Variants in TMEM117 observed in about 807,000 individuals in gnomAD.
TMEM117 encodes transmembrane protein 117.
A neutral mutation model predicts 52.4 loss-of-function variants in TMEM117; 27 were observed. The ratio of observed to expected loss-of-function variants is 0.51; its 90% confidence interval spans 0.38 to 0.71. The LOEUF is 0.71. Among genes scored for constraint, TMEM117 ranks in the 30% least tolerant of loss-of-function variants. TMEM117 has a pLI of 0.00. For missense variants in TMEM117, 556 were observed against 630.5 expected (o/e 0.88, Z 1.26); for synonymous variants, 215 against 206.3 (o/e 1.04, Z -0.36).
intron 3 of TMEM117, among the ~76,000 whole-genome samples, chr12:44,089,389 C>T (rs1276612299): frequency 6.6e-6 from 1 of 152,134 alleles, no homozygotes; most frequent in East Asian, 1.9e-4. Context: ...CCCTGACAAC[C>T]ACAAAGCTCC....
chr12:44,316,080 AT>A, intron 6 of TMEM117, among the ~76,000 whole-genome samples: 1 of 152,060 alleles, frequency 6.6e-6, no homozygotes, highest in East Asian at 1.9e-4. Context: ...CAAGGTTAAT[AT>A]TGTCATGTGT....
chr12:44,245,582 C>T lies in TMEM117; in HGVS notation c.608+34195C>T, dbSNP rs182536424. Among the ~76,000 whole-genome samples the T allele has an allele frequency of 8.7e-4, 131 of 150,114 alleles. 1 individual carries two copies. Among genetic ancestry groups the T allele is most frequent in the Middle Eastern group, 6.8e-3 (2 of 292 alleles). ...TAACTGAATTATTTATCAGTTCTAA[C>T]GTTTTTTTTTTTGTTGGAGTCTTTA... On this transcript the variant is annotated intron_variant, in intron 5 of 7. Coordinates refer to ENST00000266534, the MANE Select transcript of TMEM117 (RefSeq NM_032256.3).
chr12:44,135,677 AAAG>A (rs1948480177), intron 3 of TMEM117, among the ~76,000 whole-genome samples: 1 of 152,164 alleles, frequency 6.6e-6, no homozygotes, highest in South Asian at 2.1e-4. Context: ...AAGAGAAAGA[AAAG>A]AAATTGTCAC....
chr12:44,145,535 G>A (rs1285508431), intron 4 of TMEM117, among the ~76,000 whole-genome samples: 1 of 152,162 alleles, frequency 6.6e-6, no homozygotes, highest in African/African-American at 2.4e-5. Context: ...GACTTAAAAT[G>A]CTAACGTATA....
rs1189971431 is a variant in TMEM117, at chr12:44,322,290, G to A, written c.768+22551G>A. 1.3e-5 allele frequency among the ~76,000 whole-genome samples: 2 copies of A among 152,020 alleles called. 1 individual carries two copies. The highest frequency in any genetic ancestry group is 1.3e-4 in the Admixed American group (2 of 15,254). Reference sequence around the variant, plus strand: ...TCTTTTGACCTCTAGGATTCCTTAGGTCATAAAGTGTGTATTTTCTGACCT... The same window carrying A: ...TCTTTTGACCTCTAGGATTCCTTAGATCATAAAGTGTGTATTTTCTGACCT... On this transcript the variant is annotated intron_variant, in intron 6 of 7. Transcript: ENST00000266534.
intron 2 of TMEM117, among the ~76,000 whole-genome samples, chr12:43,936,567 A>G (rs1188712779): frequency 1.3e-5 from 2 of 152,318 alleles, no homozygotes; most frequent in Admixed American, 1.3e-4. Flanking sequence ...AGGACAGACC[A>G]TGGCACATCA....
Position 44,358,926 on chromosome 12 carries a change from A to G in TMEM117, c.769-17669A>G, listed in dbSNP as rs141379568. On this transcript the variant is annotated intron_variant, in intron 6 of 7. Transcript: ENST00000266534. ...GCTGTAATATCTCTGTGGGTTTCGT[A>G]ATAACATATATAATTATGATGCATT... Among the ~76,000 whole-genome samples, 304 of 152,272 alleles carry G rather than the reference A, an allele frequency of 2.0e-3. 4 individuals carry two copies. Among genetic ancestry groups the G allele is most frequent in the African/African-American group, 6.6e-3 (273 of 41,574 alleles).
chr12:44,299,701 T>G lies in TMEM117; in HGVS notation c.730T>G (p.Ser244Ala). ...TGAAGTTTCCAGAGCATTCCTTGCTTCTTTTATCTTGGTCTTTGACCTTCT... is the reference window on the plus strand; with the variant it reads ...TGAAGTTTCCAGAGCATTCCTTGCTGCTTTTATCTTGGTCTTTGACCTTCT... ...SDEVSRAFLA[S>A]FILVFDLLIV... The change falls in exon 6 of 8, where the codon TCT becomes GCT. Residue 244 changes from serine to alanine, a missense_variant. Around this residue, in one of 3 missense-constraint regions of TMEM117, gnomAD observed 328 missense variants for 371.4 expected, o/e 0.88. Transcript: ENST00000266534. 1.9e-6 allele frequency: 3 copies of G among 1,614,166 alleles called. No individual in the cohort carries two copies. Among genetic ancestry groups the G allele is most frequent in the Non-Finnish European group, 2.5e-6 (3 of 1,180,008 alleles).
chr12:43,922,916 T>A (rs536099717), intron 2 of TMEM117, among the ~76,000 whole-genome samples: 19 of 152,228 alleles, frequency 1.2e-4, no homozygotes, highest in African/African-American at 3.6e-4. Context: ...TCACCTTTAT[T>A]CCTAAAAGAC....
At chr12:43,906,576 T>G (rs1462411285) in intron 2 of TMEM117, among the ~76,000 whole-genome samples, 1 of 152,170 alleles carries the variant, frequency 6.6e-6, no homozygotes, top group African/African-American at 2.4e-5. Context: ...CATTTCCATC[T>G]GAGGTACCGG....
chr12:44,202,822 T>A (rs765999901), intron 4 of TMEM117, among the ~76,000 whole-genome samples: 6 of 151,664 alleles, frequency 4.0e-5, no homozygotes, highest in Admixed American at 6.6e-5. Flanking sequence ...GGAGTCTTAC[T>A]GTGTCACCCA....
At chr12:43,892,177 C>T (rs1000497423) in intron 2 of TMEM117, among the ~76,000 whole-genome samples, 1 of 152,124 alleles carries the variant, frequency 6.6e-6, no homozygotes, top group Non-Finnish European at 1.5e-5. Context: ...AAAAGAAAGT[C>T]AACTAAGGGA....
At position 43,844,608 on chromosome 12, in the gene TMEM117, A is replaced by G. The variant is rs769357377; in HGVS notation, c.-28-16A>G. On this transcript the variant is annotated splice_polypyrimidine_tract_variant and intron_variant, in intron 1 of 7. Transcript: ENST00000266534. Reference sequence around the variant, plus strand: ...TTGTTTTCCTCCTCTAACCCTATCTATCTTTTCTTATACAGGTAAACTACG... The same window carrying G: ...TTGTTTTCCTCCTCTAACCCTATCTGTCTTTTCTTATACAGGTAAACTACG... 1.4e-5 allele frequency: 22 copies of G among 1,584,786 alleles called. No homozygotes were observed. Among genetic ancestry groups the G allele is most frequent in the East Asian group, 4.5e-5 (2 of 44,708 alleles).
intron 3 of TMEM117, among the ~76,000 whole-genome samples, chr12:43,980,872 C>T (rs1757324852): frequency 6.6e-6 from 1 of 152,172 alleles, no homozygotes; most frequent in Admixed American, 6.5e-5. Context: ...ATGACAAAGG[C>T]TTGGAGCAAA....
chr12:44,125,106 G>A (rs950722080), intron 3 of TMEM117, among the ~76,000 whole-genome samples: 2 of 151,784 alleles, frequency 1.3e-5, no homozygotes, highest in African/African-American at 2.4e-5. Context: ...GTCTATTATG[G>A]GATTAATTTT....
chr12:43,982,788 C>T (rs745634830), intron 3 of TMEM117, among the ~76,000 whole-genome samples: 11 of 152,068 alleles, frequency 7.2e-5, no homozygotes, highest in Non-Finnish European at 1.3e-4. Context: ...GAACACAGAG[C>T]GTATTCACAT....
intron 2 of TMEM117, among the ~76,000 whole-genome samples, chr12:43,906,390 A>T (rs1197073735): frequency 6.6e-6 from 1 of 151,634 alleles, no homozygotes; most frequent in Non-Finnish European, 1.5e-5. Flanking sequence ...TTGAACCTGG[A>T]TGACAGAGGT....
chr12:44,395,982 C>T, the TMEM117 span, among the ~76,000 whole-genome samples: 1 of 152,220 alleles, frequency 6.6e-6, no homozygotes, highest in Non-Finnish European at 1.5e-5. Flanking sequence ...CTTGGAAGTA[C>T]ATTCAGTGGG....
In TMEM117 at chr12:44,298,416, GTT is replaced by G. The variant is rs144222091; in HGVS notation, c.609-1154_609-1153del. Among the ~76,000 whole-genome samples the G allele has an allele frequency of 2.1e-5, 3 of 142,006 alleles. 1 individual carries two copies. The highest frequency in any genetic ancestry group is 8.0e-5 in the African/African-American group (3 of 37,584). 93.2% of individuals were successfully genotyped at this position (142,006 alleles called of 152,430 possible). ...CTGATTAAATTTATTTCAAGTAATT[GTT>G]TTTTTTTTTCTTCTTATAATTCTAA... On this transcript the variant is annotated intron_variant, in intron 5 of 7. Coordinates refer to ENST00000266534, the MANE Select transcript of TMEM117 (RefSeq NM_032256.3).
Sources: allele counts gnomAD v4.1 joint callset (sites outside exome capture counted in the v4.1 genomes callset), GRCh38; gene constraint gnomAD v4.1.1; regional missense constraint gnomAD v4.1.1; transcripts MANE v1.5; gene names NCBI Gene and HGNC (gene_info 2026-07-23, HGNC 2026-07-21).